Variants in PKP2 observed in about 807,000 individuals in gnomAD.
The protein encoded by PKP2 is plakophilin 2.
A neutral mutation model predicts 83.4 loss-of-function variants in PKP2; 73 were observed. That is an observed-to-expected ratio of 0.88 (90% CI 0.72 to 1.06). PKP2 has a LOEUF of 1.06. Ranked by LOEUF, PKP2 falls within the 50% of genes least tolerant of loss-of-function variation. PKP2 has a pLI of 0.00. For synonymous variants in PKP2, 409 were observed against 430.4 expected, an observed-to-expected ratio of 0.95 and a Z score of 0.62; for missense variants, 966 against 1,065.4, an observed-to-expected ratio of 0.91 and a Z score of 1.30.
At chr12:32,797,560 C>CTTTTTTTTT (rs751510872) in intron 10 of PKP2, among the ~76,000 whole-genome samples, 13,688 of 131,364 alleles carry the variant, frequency 0.1, 1,480 homozygotes, top group East Asian at 0.47. Context: ...GAACTAAAAT[C>CTTTTTTTTT]TTTTTTTTTT....
At chr12:32,828,220 G>GTTTTATCATA (rs1409751554) in intron 6 of PKP2, among the ~76,000 whole-genome samples, 1 of 152,074 alleles carries the variant, frequency 6.6e-6, no homozygotes, top group East Asian at 1.9e-4. Flanking sequence ...ATATTTAGGG[G>GTTTTATCATA]GATTCAGGTG....
At chr12:32,857,298 C>T (rs1405262406) in intron 4 of PKP2, among the ~76,000 whole-genome samples, 2 of 152,028 alleles carry the variant, frequency 1.3e-5, no homozygotes, top group African/African-American at 2.4e-5. Context: ...TAGTGGCATG[C>T]ACCTGTAGTC....
intron 4 of PKP2, among the ~76,000 whole-genome samples, chr12:32,865,016 C>T (rs1956834286): frequency 6.6e-6 from 1 of 152,078 alleles, no homozygotes; most frequent in African/African-American, 2.4e-5. Context: ...CCATGGTATC[C>T]TCAAAAAATC....
At chr12:32,817,636 G>C (rs1476608332) in intron 9 of PKP2, among the ~76,000 whole-genome samples, 2 of 152,136 alleles carry the variant, frequency 1.3e-5, no homozygotes, top group Admixed American at 6.6e-5. Flanking sequence ...TTACTTTAAG[G>C]CTAGTCCTTT....
At position 32,814,459 on chromosome 12, in the gene PKP2, G is replaced by GT. The variant is rs566588295; in HGVS notation, c.2013+6896dup. On this transcript the variant is annotated intron_variant, in intron 9 of 12. Transcript: ENST00000340811. ...TCAGCAATGTCAGGCTCTGAACATA[G>GT]TTTCCCGTTCTCCCTGCTCTCCCTC... is the stretch of plus-strand genomic sequence containing the variant. 7.2e-4 allele frequency among the ~76,000 whole-genome samples: 110 copies of GT among 152,222 alleles called. 1 individual carries two copies. Among genetic ancestry groups the GT allele is most frequent in the Admixed American group, 2.5e-3 (38 of 15,272 alleles).
chr12:32,807,518 C>A (rs533263454), intron 9 of PKP2, among the ~76,000 whole-genome samples: 208 of 152,160 alleles, frequency 1.4e-3, no homozygotes, highest in Non-Finnish European at 2.0e-3. Context: ...GTGCATTTAG[C>A]CCGTTTACAT....
At chr12:32,864,167 A>G (rs966060819) in intron 4 of PKP2, among the ~76,000 whole-genome samples, 1 of 152,062 alleles carries the variant, frequency 6.6e-6, no homozygotes, top group Non-Finnish European at 1.5e-5. Context: ...GGTCATTTAT[A>G]AAAAACCTAC....
Position 32,824,217 on chromosome 12 carries a change from T to G in PKP2, c.1557-55A>C, listed in dbSNP as rs999661712. On this transcript the variant is annotated intron_variant, in intron 6 of 12. Coordinates refer to ENST00000340811, the MANE Select transcript of PKP2 (RefSeq NM_001005242.3). ...AAGTCTAGGCTGTGTATCCAACAGG[T>G]CTTTGTTTTGAAGTTTTACTTGATG... The G allele has an allele frequency of 2.5e-6, 3 of 1,224,052 alleles. No homozygotes were observed. In the African/African-American group the frequency reaches 4.4e-5, roughly 18 times the overall value. The allele number at this position is 1,224,052 out of a possible 1,614,324, so 75.8% of individuals were successfully genotyped here. A position where few individuals can be genotyped will look rare whatever the true frequency, so the allele number is the denominator to read the frequency against.
Position 32,822,574 on chromosome 12 carries a change from G to A in PKP2, c.1732C>T (p.Leu578Phe). 1 of 1,613,978 alleles carries A rather than the reference G, an allele frequency of 6.2e-7. No individual in the cohort carries two copies. Among genetic ancestry groups the A allele is most frequent in the Non-Finnish European group, 8.5e-7 (1 of 1,179,856 alleles). ...HNLSYQLEAE[L>F]PEKYSQNIYI... is the part of the protein sequence containing the mutation. ...ATATTCTGGGAATATTTCTCTGGGA[G>A]CTCTGCCTCCAGCTGGTAGGAGAGG... Residue 578 changes from leucine (L) to phenylalanine (F), a missense_variant, in exon 8 of 13, where the codon CTC becomes TTC. By Grantham distance (22) the Leu-to-Phe change is conservative. Transcript: ENST00000340811.
Position 32,896,598 on chromosome 12 carries a change from C to T in PKP2, c.134G>A (p.Gly45Asp). Residue 45 changes from glycine to aspartate, a missense_variant, in exon 1 of 13, where the codon GGC (glycine) becomes GAC (aspartate). Transcript: ENST00000340811. ...GCTCTTGACTGTCTGGCCGCCGCGG[C>T]CGCTGCTCCCCGCCAGCTTCAGCTT... ...EAKLKLAGSS[G>D]RGGQTVKSLR... is the part of the protein sequence containing the mutation. 1 of 1,584,774 alleles carries T rather than the reference C, an allele frequency of 6.3e-7. No individual in the cohort carries two copies.
intron 6 of PKP2, 198 bp from the exon 7 acceptor site, chr12:32,824,360 A>G: frequency 1.7e-6 from 1 of 583,758 alleles, no homozygotes. Flanking sequence ...ATATTTCCAA[A>G]CAACACGTAA....
At chr12:32,824,205 GTATCCAACAGGTCTT>G (rs778073935) in intron 6 of PKP2, 43 bp from the exon 7 acceptor site, 20 of 1,263,470 alleles carry the variant, frequency 1.6e-5, no homozygotes, top group Admixed American at 1.2e-4. Flanking sequence ...TCTAGGCTGT[GTATCCAACAGGTCTT>G]TGTTTTGAAG....
intron 4 of PKP2, among the ~76,000 whole-genome samples, chr12:32,866,979 A>C (rs563260529): frequency 6.6e-6 from 1 of 152,222 alleles, no homozygotes; most frequent in Non-Finnish European, 1.5e-5. Flanking sequence ...AAAATCTTAT[A>C]TTCTATATGA....
chr12:32,875,891 C>A (rs1201559980), intron 3 of PKP2, among the ~76,000 whole-genome samples: 1 of 151,918 alleles, frequency 6.6e-6, no homozygotes, highest in Non-Finnish European at 1.5e-5. Flanking sequence ...TCATATAGGT[C>A]CAGAATTTGG....
At chr12:32,806,447 T>A (rs936117371) in intron 9 of PKP2, among the ~76,000 whole-genome samples, 1 of 152,198 alleles carries the variant, frequency 6.6e-6, no homozygotes, top group African/African-American at 2.4e-5. Flanking sequence ...CTTGGGAAGG[T>A]GTATGCGTCC....
chr12:32,845,097 A>G (rs1049075469), intron 5 of PKP2, among the ~76,000 whole-genome samples: 1 of 152,286 alleles, frequency 6.6e-6, no homozygotes, highest in East Asian at 1.9e-4. Flanking sequence ...CATTCTAGCC[A>G]AAAAGAAAGG....
chr12:32,820,293 A>T (rs1222908530), intron 9 of PKP2: 1 of 152,230 alleles, frequency 6.6e-6, no homozygotes, highest in Admixed American at 6.5e-5. Flanking sequence ...TGGAGACTAG[A>T]CAGACAATGA....
chr12:32,858,076 AAAAAAAAAATAT>A (rs1454878281), intron 4 of PKP2, among the ~76,000 whole-genome samples: 9 of 65,804 alleles, frequency 1.4e-4, no homozygotes, highest in African/African-American at 5.6e-4. Context: ...AAAAAAAAAA[AAAAAAAAAATAT>A]ATATATATAT....
At chr12:32,809,655 T>C (rs939629848) in intron 9 of PKP2, among the ~76,000 whole-genome samples, 1 of 152,212 alleles carries the variant, frequency 6.6e-6, no homozygotes, top group Non-Finnish European at 1.5e-5. Context: ...TCTCTGTGTG[T>C]ACCTGTGCTG....
Sources: allele counts gnomAD v4.1 joint callset (sites outside exome capture counted in the v4.1 genomes callset), GRCh38; gene constraint gnomAD v4.1.1; transcripts MANE v1.5; gene names NCBI Gene and HGNC (gene_info 2026-07-23, HGNC 2026-07-21).